PSME4: variants seen among roughly 807,000 people sequenced by gnomAD.
PSME4 encodes the protein proteasome activator complex subunit 4.
In PSME4, 89 loss-of-function variants were observed where a neutral mutation model predicts 253.9. That is an observed-to-expected ratio of 0.35 (90% CI 0.30 to 0.42). The LOEUF is 0.42. Ranked by LOEUF, PSME4 falls within the 10% of genes least tolerant of loss-of-function variation. The pLI is 1.00. For synonymous variants in PSME4, 851 were observed against 759.2 expected, an observed-to-expected ratio of 1.12 and a Z score of -1.99; for missense variants, 2,014 against 2,195.2, an observed-to-expected ratio of 0.92 and a Z score of 1.65.
intron 17 of PSME4, 95 bp downstream of exon 17, chr2:53,922,422 A>G (rs1478720214): frequency 1.5e-6 from 2 of 1,320,284 alleles, no homozygotes; most frequent in South Asian, 1.3e-5. Context: ...CTGACTTTTC[A>G]TATGTTTTAA....
intron 3 of PSME4, among the ~76,000 whole-genome samples, chr2:53,940,994 T>TATATATACAC (rs1669426963): frequency 1.1e-5 from 1 of 93,544 alleles, no homozygotes; most frequent in Non-Finnish European, 2.3e-5. Flanking sequence ...TATATATATA[T>TATATATACAC]ATATATGAAA....
At position 53,866,092 on chromosome 2, in the gene PSME4, T is replaced by C. The variant is rs1444847077; in HGVS notation, c.5529A>G (p.Ala1843=). Reference sequence around the variant, plus strand: ...AGAACTTTGCTGACTTACCTTTCTATGCATAATAGCATGGTGACACAAGAA... The same window carrying C: ...AGAACTTTGCTGACTTACCTTTCTACGCATAATAGCATGGTGACACAAGAA... The part of the protein sequence containing the change: ...TDLLVSPCYY[A] Residue 1843 remains alanine, a synonymous_variant, in exon 46 of 47, where the codon GCA becomes GCG. Coordinates refer to ENST00000404125, the MANE Select transcript of PSME4 (RefSeq NM_014614.3). 4 of 1,611,870 alleles carry C rather than the reference T, an allele frequency of 2.5e-6. No individual in the cohort carries two copies. Among genetic ancestry groups the C allele is most frequent in the Non-Finnish European group, 3.4e-6 (4 of 1,178,268 alleles).
chr2:53,943,757 G>A (rs374814156), intron 3 of PSME4, among the ~76,000 whole-genome samples: 9 of 148,964 alleles, frequency 6.0e-5, no homozygotes, highest in South Asian at 4.2e-4. Context: ...CAGAAGAATC[G>A]CTTGAACTCG....
intron 20 of PSME4, among the ~76,000 whole-genome samples, chr2:53,915,145 C>A (rs1473899419): frequency 1.3e-5 from 2 of 152,064 alleles, no homozygotes; most frequent in African/African-American, 4.8e-5. Flanking sequence ...TAAAAAGTAA[C>A]CTAAGCTTTG....
intron 34 of PSME4, among the ~76,000 whole-genome samples, chr2:53,894,688 G>T (rs1217066543): frequency 6.7e-6 from 1 of 149,496 alleles, no homozygotes; most frequent in Non-Finnish European, 1.5e-5. Flanking sequence ...CTAAAAATCA[G>T]TCATTAACTT....
chr2:53,910,941 TAC>T lies in PSME4; in HGVS notation c.2517-813_2517-812del, dbSNP rs1573268305. On this transcript the variant is annotated intron_variant, in intron 20 of 46. Coordinates refer to ENST00000404125, the MANE Select transcript of PSME4 (RefSeq NM_014614.3). ...AAAAGGCACAAATCAGGCAAGCATA[TAC>T]AGAGTTAATAAACAGCAATCTTATT... is the stretch of plus-strand genomic sequence containing the variant. Among the ~76,000 whole-genome samples the T allele has an allele frequency of 3.9e-5, 6 of 152,328 alleles. 2 individuals are homozygous for T. Among genetic ancestry groups the T allele is most frequent in the Middle Eastern group, 3.4e-3 (1 of 294 alleles).
chr2:53,905,878 T>A (rs1323356832), intron 26 of PSME4, among the ~76,000 whole-genome samples: 1 of 152,144 alleles, frequency 6.6e-6, no homozygotes, highest in Non-Finnish European at 1.5e-5. Flanking sequence ...ATTTGAGATT[T>A]TTTTCACATT....
intron 27 of PSME4, among the ~76,000 whole-genome samples, chr2:53,902,087 G>C (rs1008890052): frequency 6.6e-6 from 1 of 152,044 alleles, no homozygotes; most frequent in Non-Finnish European, 1.5e-5. Flanking sequence ...AAAAGAAATT[G>C]TTCAAAGAAT....
chr2:53,866,568 T>C (rs1166163555), intron 45 of PSME4, among the ~76,000 whole-genome samples, 179 bp downstream of exon 45: 1 of 152,196 alleles, frequency 6.6e-6, no homozygotes, highest in Non-Finnish European at 1.5e-5. Flanking sequence ...AGATCTCAAA[T>C]ATCCATGGCA....
chr2:53,886,233 C>A (rs191935090), intron 40 of PSME4, among the ~76,000 whole-genome samples: 73 of 152,150 alleles, frequency 4.8e-4, no homozygotes, highest in African/African-American at 1.7e-3. Flanking sequence ...CATATGGAGA[C>A]CCCTGTCTCT....
chr2:53,969,581 C>T (rs1573399075), intron 1 of PSME4, among the ~76,000 whole-genome samples: 1 of 152,004 alleles, frequency 6.6e-6, no homozygotes, highest in Admixed American at 6.6e-5. Context: ...TACAGTTAAC[C>T]AAACAAGATA....
intron 3 of PSME4, among the ~76,000 whole-genome samples, chr2:53,948,097 G>C (rs1208562972): frequency 6.6e-6 from 1 of 152,098 alleles, no homozygotes; most frequent in African/African-American, 2.4e-5. Flanking sequence ...AATGATACCT[G>C]TCAGTCTAGT....
At chr2:53,925,340 G>C (rs1668515545) in intron 14 of PSME4, among the ~76,000 whole-genome samples, 199 bp downstream of exon 14, 1 of 152,178 alleles carries the variant, frequency 6.6e-6, no homozygotes, top group South Asian at 2.1e-4. Flanking sequence ...TGATTCTCAG[G>C]TTGCAAATAG....
At chr2:53,925,459 C>T in intron 14 of PSME4, 80 bp downstream of exon 14, 1 of 1,275,112 alleles carries the variant, frequency 7.8e-7, no homozygotes, top group East Asian at 2.4e-5. Flanking sequence ...ATGATATACA[C>T]AAAGTAACTT....
At chr2:53,891,872 A>G (rs927790634) in intron 36 of PSME4, among the ~76,000 whole-genome samples, 41 of 151,928 alleles carry the variant, frequency 2.7e-4, no homozygotes, top group Admixed American at 5.2e-4. Context: ...AAAAAAAAAA[A>G]AGAGAAGACA....
intron 17 of PSME4, 116 bp downstream of exon 17, chr2:53,922,400 AT>A: frequency 9.5e-7 from 1 of 1,051,002 alleles, no homozygotes; most frequent in Non-Finnish European, 1.4e-6. Context: ...GCCTCATCAA[AT>A]TTCCAAAACT....
At chr2:53,921,592 G>A (rs1435642427) in intron 17 of PSME4, among the ~76,000 whole-genome samples, 1 of 148,022 alleles carries the variant, frequency 6.8e-6, no homozygotes, top group Non-Finnish European at 1.5e-5. Flanking sequence ...AAGTTGGCCG[G>A]GCGCGGTGGC....
chr2:53,870,379 T>G (rs1678813480), intron 43 of PSME4: 1 of 148,646 alleles, frequency 6.7e-6, no homozygotes, highest in Admixed American at 6.7e-5. Flanking sequence ...TTTCGTTTTT[T>G]TTTTTTTTTT....
chr2:53,922,905 T>C (rs970509615), intron 16 of PSME4, 144 bp downstream of exon 16: 12 of 687,648 alleles, frequency 1.7e-5, no homozygotes, highest in Admixed American at 3.4e-5. Context: ...CTGGATGATA[T>C]CTTTTTTGGA....
Sources: allele counts gnomAD v4.1 joint callset (sites outside exome capture counted in the v4.1 genomes callset), GRCh38; gene constraint gnomAD v4.1.1; transcripts MANE v1.5; gene names NCBI Gene and HGNC (gene_info 2026-07-23, HGNC 2026-07-21).